EPHA4: variants seen among roughly 807,000 people sequenced by gnomAD.
EPHA4 encodes ephrin type-A receptor 4.
A neutral mutation model predicts 108.3 loss-of-function variants in EPHA4; 19 were observed. The ratio of observed to expected loss-of-function variants is 0.18; its 90% CI spans 0.12 to 0.26. The LOEUF (loss-of-function observed/expected upper bound fraction) is 0.26. EPHA4 is among the 10% of genes least tolerant of loss of function. EPHA4 has a pLI of 1.00. For missense variants in EPHA4, 917 were observed against 1,254.0 expected (o/e 0.73, Z 4.06); for synonymous variants, 449 against 455.5 (o/e 0.99, Z 0.18).
At chr2:221,430,994 A>G (rs771929769) in intron 14 of EPHA4, among the ~76,000 whole-genome samples, 22 of 152,076 alleles carry the variant, frequency 1.4e-4, no homozygotes, top group African/African-American at 1.9e-4. Flanking sequence ...TGCTAATTCT[A>G]ATTTTTCTAA....
chr2:221,563,746 T>C lies in EPHA4; in HGVS notation c.808A>G (p.Ser270Gly), dbSNP rs1694538560. The change falls in exon 3 of 18, where the codon AGC becomes GGC. Residue 270 changes from serine (S) to glycine (G), a missense_variant. By Grantham distance (56) the Ser-to-Gly change is moderately conservative. Around this residue, in one of 3 missense-constraint regions of EPHA4, gnomAD observed 758 missense variants for 1,076.7 expected, o/e 0.70. Transcript: ENST00000281821. ...CLCNAGHEER[S>G]GECQACKIGY... is the part of the protein sequence containing the mutation. ...ACCCTCTTACCTTGGCATTCTCCGC[T>C]CCGCTCCTCATGCCCAGCGTTGCAT... The C allele has an allele frequency of 1.2e-6, 2 of 1,614,008 alleles. No individual in the cohort carries two copies. Among genetic ancestry groups the C allele is most frequent in the African/African-American group, 2.7e-5 (2 of 74,938 alleles).
intron 3 of EPHA4, among the ~76,000 whole-genome samples, chr2:221,561,957 T>C (rs1306357605): frequency 3.3e-5 from 5 of 152,214 alleles, no homozygotes; most frequent in African/African-American, 1.2e-4. Context: ...AATAATTTAC[T>C]CTAAAATGTG....
intron 5 of EPHA4, among the ~76,000 whole-genome samples, chr2:221,465,008 A>G (rs1007442846): frequency 8.5e-5 from 13 of 152,212 alleles, no homozygotes; most frequent in Non-Finnish European, 1.3e-4. Flanking sequence ...GTAAGTATTC[A>G]TATTTATTAA....
At chr2:221,423,989 T>C (rs1449651548) in intron 17 of EPHA4, among the ~76,000 whole-genome samples, 2 of 151,750 alleles carry the variant, frequency 1.3e-5, no homozygotes, top group African/African-American at 4.8e-5. Flanking sequence ...GGGTGGTGGG[T>C]GCCTGTAATC....
chr2:221,437,705 A>G (rs1690286290), intron 11 of EPHA4, among the ~76,000 whole-genome samples: 1 of 150,952 alleles, frequency 6.6e-6, no homozygotes, highest in African/African-American at 2.4e-5. Context: ...TCAGGTCAGG[A>G]GTTCGAGACA....
chr2:221,548,680 A>G (rs746577267), intron 3 of EPHA4, among the ~76,000 whole-genome samples: 3 of 152,204 alleles, frequency 2.0e-5, no homozygotes, highest in Non-Finnish European at 2.9e-5. Flanking sequence ...GAAAATAAAA[A>G]TAAGAAAGAG....
chr2:221,436,178 T>C (rs1690228859), intron 13 of EPHA4, among the ~76,000 whole-genome samples: 1 of 152,166 alleles, frequency 6.6e-6, no homozygotes. Context: ...TCATTTTGCT[T>C]CTAGTTTGTG....
chr2:221,459,569 A>G (rs927621965), intron 5 of EPHA4, among the ~76,000 whole-genome samples: 7 of 152,160 alleles, frequency 4.6e-5, no homozygotes, highest in Admixed American at 2.0e-4. Flanking sequence ...ACAGGCACAC[A>G]CACACATACA....
At chr2:221,495,867 T>G (rs575669031) in intron 4 of EPHA4, among the ~76,000 whole-genome samples, 1 of 152,270 alleles carries the variant, frequency 6.6e-6, no homozygotes, top group Admixed American at 6.5e-5. Flanking sequence ...GATAGTGTGT[T>G]TTATTTCTTC....
At chr2:221,482,924 T>C (rs1691871378) in intron 4 of EPHA4, among the ~76,000 whole-genome samples, 1 of 152,254 alleles carries the variant, frequency 6.6e-6, no homozygotes, top group Admixed American at 6.5e-5. Flanking sequence ...CGGTTGTCAC[T>C]TTGAGATGTG....
intron 5 of EPHA4, among the ~76,000 whole-genome samples, chr2:221,460,948 A>G (rs1691118059): frequency 6.6e-6 from 1 of 152,212 alleles, no homozygotes; most frequent in East Asian, 1.9e-4. Context: ...CAACAGTTGT[A>G]TTTGAAAGAA....
rs539028446 is a variant in EPHA4, at chr2:221,421,215, GC to G, written c.*820-664del. On this transcript the variant is annotated intron_variant, in intron 17 of 17. Coordinates refer to ENST00000281821, the MANE Select transcript of EPHA4 (RefSeq NM_004438.5). ...GGGAGGCTGAGGCAGGAGGAGAATGGCGTGAACCTGGGAGGCGGAGCTTGCA... is the reference window on the plus strand; with the variant it reads ...GGGAGGCTGAGGCAGGAGGAGAATGGGTGAACCTGGGAGGCGGAGCTTGCA... 4.2e-3 allele frequency among the ~76,000 whole-genome samples: 644 copies of G among 152,120 alleles called. 7 individuals are homozygous for G. The highest frequency in any genetic ancestry group is 0.015 in the African/African-American group (610 of 41,490).
Position 221,572,297 on chromosome 2 carries a change from AAATGCTT to A in EPHA4, c.-56_-50del. On this transcript the variant is annotated 5_prime_UTR_variant, in exon 1 of 18. Transcript: ENST00000281821. ...CCTGCCGCTTCTATCCCAGTGGAAT[AAATGCTT>A]AAGTTAGGAGAGCAGCGGGCTGAAG... 1 of 1,524,050 alleles carries A rather than the reference AAATGCTT, an allele frequency of 6.6e-7. No individual in the cohort carries two copies. The highest frequency in any genetic ancestry group is 9.1e-7 in the Non-Finnish European group (1 of 1,098,414). The allele number at this position is 1,524,050 out of a possible 1,614,324, so 94.4% of individuals were successfully genotyped here.
chr2:221,516,305 C>G (rs1692986943), intron 3 of EPHA4, among the ~76,000 whole-genome samples: 1 of 151,248 alleles, frequency 6.6e-6, no homozygotes, highest in African/African-American at 2.4e-5. Context: ...TTTTAATCCT[C>G]AAAAATTCCA....
chr2:221,454,609 G>C (rs1026666239), intron 8 of EPHA4, among the ~76,000 whole-genome samples: 1 of 152,158 alleles, frequency 6.6e-6, no homozygotes, highest in Non-Finnish European at 1.5e-5. Flanking sequence ...ATGGTATATG[G>C]GGATGCCGAT....
At chr2:221,464,875 C>T (rs893229876) in intron 5 of EPHA4, among the ~76,000 whole-genome samples, 11 of 152,104 alleles carry the variant, frequency 7.2e-5, no homozygotes, top group South Asian at 2.1e-4. Flanking sequence ...AGAAAAACAA[C>T]TTGATTATTC....
At chr2:221,489,544 C>T (rs796547958) in intron 4 of EPHA4, among the ~76,000 whole-genome samples, 3 of 152,278 alleles carry the variant, frequency 2.0e-5, no homozygotes, top group African/African-American at 7.2e-5. Context: ...TCATTCCTGA[C>T]TACTCCATAC....
intron 5 of EPHA4, among the ~76,000 whole-genome samples, chr2:221,462,398 G>A (rs1691174418): frequency 6.6e-6 from 1 of 151,696 alleles, no homozygotes; most frequent in African/African-American, 2.4e-5. Flanking sequence ...CCCCTAAGGA[G>A]ATTTCAGCAG....
In EPHA4 at chr2:221,572,136, A is replaced by G. The variant is rs747336496; in HGVS notation, c.91+22T>C. 21 of 1,607,834 alleles carry G rather than the reference A, an allele frequency of 1.3e-5. No homozygotes were observed. In the Admixed American group the frequency reaches 3.0e-4, roughly 23 times the overall value. ...ATGGCCCCTCGCTGTCCCCGACCAC[A>G]GAAAGGCCGTCCCGCTCTTACCTTC... On this transcript the variant is annotated intron_variant, in intron 1 of 17. Coordinates refer to ENST00000281821, the MANE Select transcript of EPHA4 (RefSeq NM_004438.5).
Sources: allele counts gnomAD v4.1 joint callset (sites outside exome capture counted in the v4.1 genomes callset), GRCh38; gene constraint gnomAD v4.1.1; regional missense constraint gnomAD v4.1.1; transcripts MANE v1.5; gene names NCBI Gene and HGNC (gene_info 2026-07-23, HGNC 2026-07-21).